FRMD3: variants seen among roughly 807,000 people sequenced by gnomAD.
FRMD3 encodes FERM domain containing 3.
FRMD3 carries 33 observed loss-of-function variants against 70.2 expected under a neutral mutation model. The observed-to-expected ratio is 0.47, with a 90% CI of 0.36 to 0.63. The LOEUF (loss-of-function observed/expected upper bound fraction) is 0.63. Among genes scored for constraint, FRMD3 ranks in the 20% least tolerant of loss-of-function variants. FRMD3 has a pLI of 0.00. For synonymous variants in FRMD3, 279 were observed against 255.9 expected (o/e 1.09, Z -0.86); for missense variants, 632 against 711.4 (o/e 0.89, Z 1.27).
At chr9:83,347,019 T>C (rs1268700816) in intron 4 of FRMD3, among the ~76,000 whole-genome samples, 1 of 152,250 alleles carries the variant, frequency 6.6e-6, no homozygotes, top group East Asian at 1.9e-4. Context: ...GTATTCAATG[T>C]ATGCATCAAA....
intron 4 of FRMD3, 27 bp from the exon 5 acceptor site, chr9:83,343,314 C>G: frequency 6.6e-7 from 1 of 1,511,954 alleles, no homozygotes; most frequent in Non-Finnish European, 9.2e-7. Context: ...GAAATGGTCA[C>G]TCTAACTTTT....
chr9:83,327,297 T>C (rs1031881163), intron 6 of FRMD3, among the ~76,000 whole-genome samples: 4 of 152,256 alleles, frequency 2.6e-5, no homozygotes, highest in Middle Eastern at 3.2e-3. Flanking sequence ...TTTAGCTTTG[T>C]TGGAATAAAA....
chr9:83,361,489 T>C (rs1344228443), intron 3 of FRMD3, among the ~76,000 whole-genome samples: 10 of 152,180 alleles, frequency 6.6e-5, no homozygotes, highest in African/African-American at 2.2e-4. Flanking sequence ...AAGAAATGAA[T>C]TGTGCAAAGC....
intron 1 of FRMD3, among the ~76,000 whole-genome samples, chr9:83,500,502 G>A (rs2375923): frequency 0.54 from 77,537 of 143,594 alleles, 21,562 homozygotes; most frequent in Non-Finnish European, 0.6. Context: ...GTGTATGCGC[G>A]CACACACACA....
At chr9:83,430,214 T>G (rs1361315625) in intron 1 of FRMD3, among the ~76,000 whole-genome samples, 4 of 152,162 alleles carry the variant, frequency 2.6e-5, no homozygotes, top group Admixed American at 2.6e-4. Context: ...TCCCTCCTCT[T>G]TGTCCTACAA....
At chr9:83,569,171 C>T in the FRMD3 span, among the ~76,000 whole-genome samples, 1 of 152,132 alleles carries the variant, frequency 6.6e-6, no homozygotes, top group Non-Finnish European at 1.5e-5. Context: ...AGCCTGAATG[C>T]TCCAGAGACT....
the FRMD3 span, among the ~76,000 whole-genome samples, chr9:83,545,349 T>G: frequency 9.1e-3 from 1,160 of 127,602 alleles, 20 homozygotes; most frequent in African/African-American, 0.031. Flanking sequence ...AAGTGTTGTT[T>G]TTTTTTGTTT....
At chr9:83,393,516 T>C (rs1478316130) in intron 1 of FRMD3, among the ~76,000 whole-genome samples, 1 of 152,138 alleles carries the variant, frequency 6.6e-6, no homozygotes, top group African/African-American at 2.4e-5. Flanking sequence ...ATTATTATTA[T>C]ATTGTAATAT....
chr9:83,550,723 T>TGTGTGTGTGTGC, the FRMD3 span, among the ~76,000 whole-genome samples: 4 of 150,380 alleles, frequency 2.7e-5, no homozygotes, highest in African/African-American at 9.8e-5. Context: ...TGTGTGTGTG[T>TGTGTGTGTGTGC]GCATTCATGT....
chr9:83,249,864 G>T (rs1198187279), intron 13 of FRMD3, among the ~76,000 whole-genome samples: 1 of 152,052 alleles, frequency 6.6e-6, no homozygotes, highest in East Asian at 1.9e-4. Flanking sequence ...ACTATAATTG[G>T]TTCTGGCCAT....
At chr9:83,489,258 G>T (rs768181769) in intron 1 of FRMD3, among the ~76,000 whole-genome samples, 1 of 152,024 alleles carries the variant, frequency 6.6e-6, no homozygotes, top group Non-Finnish European at 1.5e-5. Context: ...TGACAAGTGG[G>T]ACCTAATTAA....
chr9:83,562,400 G>A, the FRMD3 span, among the ~76,000 whole-genome samples: 1 of 152,190 alleles, frequency 6.6e-6, no homozygotes, highest in African/African-American at 2.4e-5. Flanking sequence ...GGCTATAGCA[G>A]CTGGAAGGAC....
At chr9:83,397,838 G>A (rs1313070307) in intron 1 of FRMD3, among the ~76,000 whole-genome samples, 3 of 152,152 alleles carry the variant, frequency 2.0e-5, no homozygotes, top group African/African-American at 7.2e-5. Context: ...TGAATGCCCA[G>A]AAACTCCATG....
chr9:83,478,889 A>G (rs1468025262), intron 1 of FRMD3, among the ~76,000 whole-genome samples: 1 of 152,186 alleles, frequency 6.6e-6, no homozygotes. Flanking sequence ...GCTTCTGCAT[A>G]TTATGTTGTA....
intron 12 of FRMD3, among the ~76,000 whole-genome samples, chr9:83,294,601 C>T (rs747260564): frequency 9.9e-5 from 15 of 152,120 alleles, no homozygotes; most frequent in Middle Eastern, 6.4e-3. Flanking sequence ...TCTCTTAGTG[C>T]GTCTTGCCTA....
In FRMD3 at chr9:83,477,002, T is replaced by C. The variant is rs538860800; in HGVS notation, c.147+61083A>G. On this transcript the variant is annotated intron_variant, in intron 1 of 13. Transcript: ENST00000304195. ...CCCAGTACCTAACTAGCACAGTATC[T>C]TGCAGGTAGTAAGCACCTTTCAATA... 3.9e-5 allele frequency among the ~76,000 whole-genome samples: 6 copies of C among 152,320 alleles called. No homozygotes were observed. The South Asian group carries it at 6.2e-4, about 16-fold the overall frequency.
At chr9:83,389,748 C>CT (rs1825613755) in intron 1 of FRMD3, 40 bp from the exon 2 acceptor site, 2 of 1,426,238 alleles carry the variant, frequency 1.4e-6, no homozygotes, top group East Asian at 4.5e-5. Flanking sequence ...CAGAGCTCAC[C>CT]TTGTGCATTC....
At chr9:83,255,330 T>A (rs991036585) in intron 13 of FRMD3, among the ~76,000 whole-genome samples, 12 of 151,970 alleles carry the variant, frequency 7.9e-5, no homozygotes, top group Admixed American at 3.3e-4. Flanking sequence ...AAATTCAACT[T>A]CCCTTCATGT....
intron 1 of FRMD3, among the ~76,000 whole-genome samples, chr9:83,481,642 G>A (rs916325265): frequency 4.6e-5 from 7 of 152,106 alleles, no homozygotes; most frequent in African/African-American, 1.7e-4. Flanking sequence ...AATTGCATGT[G>A]TAAAACTTTA....
Sources: gnomAD v4.1 joint callset for allele counts (sites outside exome capture counted in the v4.1 genomes callset) on GRCh38, gnomAD v4.1.1 for gene constraint, MANE v1.5 for transcripts, NCBI Gene and HGNC (gene_info 2026-07-23, HGNC 2026-07-21) for gene names.